SPEF2: variants seen among roughly 807,000 people sequenced by gnomAD.
SPEF2 encodes sperm flagella and cilia-associated protein 2.
In SPEF2, 187 loss-of-function variants were observed where a neutral mutation model predicts 224.6. The observed-to-expected ratio is 0.83, with a 90% CI of 0.74 to 0.94. SPEF2 has a LOEUF of 0.94. Ranked by LOEUF, SPEF2 falls within the 40% of genes least tolerant of loss-of-function variation. The pLI is 0.00. For missense variants in SPEF2, 2,170 were observed against 2,135.6 expected (o/e 1.02, Z -0.32); for synonymous variants, 715 against 707.3 (o/e 1.01, Z -0.17).
intron 28 of SPEF2, among the ~76,000 whole-genome samples, chr5:35,774,530 G>A (rs576391996): frequency 6.6e-6 from 1 of 152,208 alleles, no homozygotes; most frequent in East Asian, 1.9e-4. Context: ...TATCTATTAT[G>A]TTCAGAGGTG....
intron 7 of SPEF2, among the ~76,000 whole-genome samples, chr5:35,655,632 G>A (rs957483461): frequency 1.6e-4 from 25 of 152,200 alleles, no homozygotes; most frequent in African/African-American, 6.0e-4. Context: ...GATGGTCGTG[G>A]TGGGGTCAGG....
At position 35,710,757 on chromosome 5, in the gene SPEF2, C is replaced by T. The variant is rs1018205452; in HGVS notation, c.2839+1636C>T. On this transcript the variant is annotated intron_variant, in intron 19 of 36. Transcript: ENST00000356031. ...TCTAGTGTTTCTGATCAGACCAGCT[C>T]AGTCTTTAAGTTTCTGAAGTTTGTT... 3.0e-6 allele frequency: 3 copies of T among 985,042 alleles called. No individual in the cohort carries two copies. The African/African-American group carries it at 5.2e-5, about 17-fold the overall frequency. 61.0% of individuals were successfully genotyped at this position (985,042 alleles called of 1,614,324 possible).
intron 34 of SPEF2, among the ~76,000 whole-genome samples, chr5:35,804,279 T>A (rs1463414347): frequency 1.3e-5 from 2 of 152,100 alleles, no homozygotes; most frequent in Non-Finnish European, 2.9e-5. Flanking sequence ...TTGTTGGGAG[T>A]CCTGAGAGTT....
chr5:35,643,079 A>G (rs1746826044), intron 3 of SPEF2, among the ~76,000 whole-genome samples: 1 of 152,180 alleles, frequency 6.6e-6, no homozygotes, highest in African/African-American at 2.4e-5. Flanking sequence ...TTCAAGAAAA[A>G]GAGTGGACTA....
intron 21 of SPEF2, among the ~76,000 whole-genome samples, chr5:35,738,591 T>C (rs1334368681): frequency 6.7e-6 from 1 of 148,812 alleles, no homozygotes; most frequent in Non-Finnish European, 1.5e-5. Flanking sequence ...ACAATTTCTA[T>C]TGAAAGCTTT....
At chr5:35,811,247 C>T (rs1183018507) in intron 36 of SPEF2, among the ~76,000 whole-genome samples, 1 of 152,036 alleles carries the variant, frequency 6.6e-6, no homozygotes, top group Non-Finnish European at 1.5e-5. Flanking sequence ...TAATACACTT[C>T]AACCACAGTG....
At chr5:35,797,087 A>G (rs1241596351) in intron 33 of SPEF2, among the ~76,000 whole-genome samples, 1 of 152,188 alleles carries the variant, frequency 6.6e-6, no homozygotes, top group Non-Finnish European at 1.5e-5. Context: ...TGCCAAGTGA[A>G]AAGTACTTTC....
chr5:35,719,214 G>T (rs1743166613), intron 20 of SPEF2, among the ~76,000 whole-genome samples: 1 of 152,146 alleles, frequency 6.6e-6, no homozygotes, highest in Non-Finnish European at 1.5e-5. Context: ...TTGCTGGTTG[G>T]TTCACAGAAG....
At chr5:35,762,103 C>T (rs1751369445) in intron 25 of SPEF2, among the ~76,000 whole-genome samples, 1 of 152,054 alleles carries the variant, frequency 6.6e-6, no homozygotes, top group African/African-American at 2.4e-5. Context: ...ATAGTAATAA[C>T]TCTTAGTTAA....
chr5:35,643,715 G>T (rs1470369774), intron 3 of SPEF2: 2 of 338,890 alleles, frequency 5.9e-6, no homozygotes, highest in Admixed American at 7.3e-5. Context: ...ATTAATAATG[G>T]TTGAAATTTA....
At chr5:35,713,527 C>A (rs10066047) in intron 20 of SPEF2, among the ~76,000 whole-genome samples, 113,519 of 150,946 alleles carry the variant, frequency 0.75, 43,037 homozygotes, top group Middle Eastern at 0.83. Flanking sequence ...TGAGGTCAGG[C>A]GATCAAGACC....
At chr5:35,710,835 C>A in intron 19 of SPEF2, 5 of 985,290 alleles carry the variant, frequency 5.1e-6, no homozygotes, top group Non-Finnish European at 6.0e-6. Flanking sequence ...AATAATAAAT[C>A]TATTGTTGCT....
intron 36 of SPEF2, among the ~76,000 whole-genome samples, chr5:35,811,736 C>T (rs1758546455): frequency 1.3e-5 from 2 of 148,384 alleles, no homozygotes. Flanking sequence ...CTATTAGGTT[C>T]GTGCAAAAGT....
intron 10 of SPEF2, among the ~76,000 whole-genome samples, chr5:35,686,355 G>A (rs1427278198): frequency 2.6e-5 from 4 of 151,954 alleles, no homozygotes; most frequent in Admixed American, 6.6e-5. Flanking sequence ...CTTTGTCTTT[G>A]ATAGAGTGCA....
chr5:35,710,944 T>C, intron 19 of SPEF2: 2 of 933,978 alleles, frequency 2.1e-6, no homozygotes, highest in Non-Finnish European at 2.6e-6. Flanking sequence ...AGAGTCTTAA[T>C]TGCTGCCACC....
chr5:35,661,242 T>G (rs1749641836), intron 8 of SPEF2, among the ~76,000 whole-genome samples: 1 of 133,132 alleles, frequency 7.5e-6, no homozygotes, highest in African/African-American at 2.7e-5. Flanking sequence ...GAGGTTTTTT[T>G]TTTGGTATAT....
At chr5:35,786,466 C>T (rs1335669031) in intron 30 of SPEF2, among the ~76,000 whole-genome samples, 1 of 152,054 alleles carries the variant, frequency 6.6e-6, no homozygotes, top group African/African-American at 2.4e-5. Flanking sequence ...TCGAGACCAG[C>T]CTGACCAATA....
intron 30 of SPEF2, among the ~76,000 whole-genome samples, chr5:35,782,179 T>C (rs1754441587): frequency 6.6e-6 from 1 of 152,230 alleles, no homozygotes; most frequent in Non-Finnish European, 1.5e-5. Flanking sequence ...AAAACAATCC[T>C]TTATGATACC....
intron 9 of SPEF2, 125 bp downstream of exon 9, chr5:35,667,384 T>G (rs925359744): frequency 1.1e-6 from 1 of 905,126 alleles, no homozygotes; most frequent in African/African-American, 1.7e-5. Flanking sequence ...GACTAAAAGG[T>G]GGGGTCCAGG....
Sources: allele counts gnomAD v4.1 joint callset (sites outside exome capture counted in the v4.1 genomes callset), GRCh38; gene constraint gnomAD v4.1.1; transcripts MANE v1.5; gene names NCBI Gene and HGNC (gene_info 2026-07-23, HGNC 2026-07-21).